The following CAPZA2 variants were observed in gnomAD, a reference collection of about 807,000 sequenced individuals.
The protein encoded by CAPZA2 is capping actin protein of muscle Z-line subunit alpha 2.
Under a neutral mutation model 44.0 loss-of-function variants are expected in CAPZA2, and 13 were observed. The observed-to-expected ratio is 0.30, with a 90% CI of 0.19 to 0.47. CAPZA2 has a LOEUF of 0.47. CAPZA2 is among the 20% of genes least tolerant of loss of function. The pLI, the probability that CAPZA2 is intolerant of heterozygous loss-of-function variation, is 1.00. For synonymous variants in CAPZA2, 94 were observed against 108.2 expected (o/e 0.87, Z 0.81); for missense variants, 244 against 338.6 (o/e 0.72, Z 2.19).
chr7:116,865,039 T>C (rs1796465340), intron 1 of CAPZA2, among the ~76,000 whole-genome samples: 1 of 152,156 alleles, frequency 6.6e-6, no homozygotes, highest in South Asian at 2.1e-4. Context: ...AAGAGGTAGT[T>C]CTATTACCAT....
chr7:116,895,492 G>A (rs530610103), intron 3 of CAPZA2, among the ~76,000 whole-genome samples: 15 of 152,138 alleles, frequency 9.9e-5, no homozygotes, highest in African/African-American at 3.6e-4. Context: ...CATGTGCATT[G>A]TAACAGGAAA....
rs1390813743 is a variant in CAPZA2 at position 116,898,765 on chromosome 7, T to C, written c.156-7T>C. 2 of 1,555,690 alleles carry C rather than the reference T, an allele frequency of 1.3e-6. No individual in the cohort carries two copies. Among genetic ancestry groups the C allele is most frequent in the African/African-American group, 2.8e-5 (2 of 72,464 alleles). ...ATTTTAAGTAATTGCCATTTTCTTT[T>C]TTTTAGTGCATTTGCACAGTATAAC... On this transcript the variant is annotated splice_polypyrimidine_tract_variant and splice_region_variant and intron_variant, in intron 3 of 9. Transcript: ENST00000361183.
intron 1 of CAPZA2, chr7:116,880,007 T>G (rs190970791): frequency 8.7e-5 from 37 of 424,226 alleles, no homozygotes; most frequent in African/African-American, 7.6e-4. Flanking sequence ...TTCTAAGCAC[T>G]CAGATATGGG....
At chr7:116,888,519 T>G (rs1562959503) in intron 2 of CAPZA2, 3 of 186,672 alleles carry the variant, frequency 1.6e-5, no homozygotes, top group Non-Finnish European at 2.2e-5. Context: ...ATAGTAGATA[T>G]TTCTTCAATA....
chr7:116,887,875 A>G (rs183022533), intron 1 of CAPZA2, among the ~76,000 whole-genome samples: 1 of 152,328 alleles, frequency 6.6e-6, no homozygotes, highest in Non-Finnish European at 1.5e-5. Flanking sequence ...GAAATTGTTT[A>G]TCTGTAAGCA....
At chr7:116,868,215 G>A (rs1282014202) in intron 1 of CAPZA2, among the ~76,000 whole-genome samples, 2 of 152,112 alleles carry the variant, frequency 1.3e-5, no homozygotes, top group East Asian at 1.9e-4. Flanking sequence ...ATACAATTTT[G>A]CGTAATAGTT....
At chr7:116,867,664 A>G (rs1031580075) in intron 1 of CAPZA2, among the ~76,000 whole-genome samples, 7 of 149,550 alleles carry the variant, frequency 4.7e-5, no homozygotes, top group Non-Finnish European at 7.4e-5. Context: ...GCTCACTGCA[A>G]CCTCTGTCTC....
At chr7:116,891,500 G>A (rs534085513) in intron 2 of CAPZA2, among the ~76,000 whole-genome samples, 6 of 152,174 alleles carry the variant, frequency 3.9e-5, no homozygotes, top group African/African-American at 1.4e-4. Context: ...GTTAGCAAAG[G>A]ATATTGTTTT....
At chr7:116,865,349 C>A (rs2115860548) in intron 1 of CAPZA2, among the ~76,000 whole-genome samples, 1 of 151,922 alleles carries the variant, frequency 6.6e-6, no homozygotes, top group South Asian at 2.1e-4. Flanking sequence ...CCATGCCCAG[C>A]TAATTTTTGT....
intron 7 of CAPZA2, among the ~76,000 whole-genome samples, chr7:116,910,539 C>T (rs1791577861): frequency 6.6e-6 from 1 of 152,106 alleles, no homozygotes; most frequent in Non-Finnish European, 1.5e-5. Context: ...TAAAACACAG[C>T]TAAAATTAGA....
chr7:116,918,020 A>C lies in CAPZA2; in HGVS notation c.*153A>C. 1.7e-6 allele frequency: 1 copy of C among 575,822 alleles called. No homozygotes were observed. Among genetic ancestry groups the C allele is most frequent in the Non-Finnish European group, 3.1e-6 (1 of 323,996 alleles). 35.7% of individuals were successfully genotyped at this position (575,822 alleles called of 1,614,324 possible). A position where few individuals can be genotyped will look rare whatever the true frequency, so the allele number is the denominator to read the frequency against. ...TTTGATTAGAGCACAAAGCTTAGCT[A>C]ATCAACCATTATTTTTCATTTTGTT... On this transcript the variant is annotated 3_prime_UTR_variant, in exon 10 of 10. Transcript: ENST00000361183.
chr7:116,867,264 A>G (rs1040624039), intron 1 of CAPZA2, among the ~76,000 whole-genome samples: 8 of 152,224 alleles, frequency 5.3e-5, no homozygotes, highest in Non-Finnish European at 1.2e-4. Flanking sequence ...AGTAAAGTCA[A>G]GAAAAATGTC....
chr7:116,881,553 C>T (rs1219541969), intron 1 of CAPZA2, among the ~76,000 whole-genome samples: 3 of 151,924 alleles, frequency 2.0e-5, no homozygotes, highest in Non-Finnish European at 4.4e-5. Flanking sequence ...TCCTGGCTAA[C>T]ACGGTGAAAC....
intron 4 of CAPZA2, among the ~76,000 whole-genome samples, chr7:116,902,506 A>G (rs556592125): frequency 1.3e-5 from 2 of 152,328 alleles, no homozygotes; most frequent in South Asian, 2.1e-4. Flanking sequence ...ATTTTCTACC[A>G]TCAGACTAAA....
intron 6 of CAPZA2, among the ~76,000 whole-genome samples, chr7:116,909,581 T>TAA (rs1239125428): frequency 7.0e-5 from 10 of 142,004 alleles, no homozygotes; most frequent in Non-Finnish European, 7.8e-5. Flanking sequence ...ATTGGAAAAC[T>TAA]AAAAAAAAAA....
Position 116,906,337 on chromosome 7 carries a change from T to A in CAPZA2, c.501T>A (p.Asn167Lys). The A allele has an allele frequency of 1.2e-6, 2 of 1,609,774 alleles. No individual in the cohort carries two copies. The highest frequency in any genetic ancestry group is 1.7e-6 in the Non-Finnish European group (2 of 1,178,958). Reference sequence around the variant, plus strand: ...AAAGCCATCAGTTCCAAGCAAAAAATTTTTGGTAAGTTAAAATTTTGGATA... The same window carrying A: ...AAAGCCATCAGTTCCAAGCAAAAAAATTTTGGTAAGTTAAAATTTTGGATA... ...CIESHQFQAK[N>K]FWNGRWRSEW... The change falls in exon 6 of 10, where the codon AAT becomes AAA. Residue 167 changes from asparagine (N) to lysine (K), a missense_variant. Physicochemically the swap from Asn to Lys is moderately conservative, Grantham distance 94. Transcript: ENST00000361183.
chr7:116,881,507 A>G (rs1384670875), intron 1 of CAPZA2, among the ~76,000 whole-genome samples: 1 of 152,110 alleles, frequency 6.6e-6, no homozygotes, highest in African/African-American at 2.4e-5. Context: ...CGGGAGGCCA[A>G]GGTGGGCGGA....
At chr7:116,909,946 C>T in intron 6 of CAPZA2, 5 of 374,736 alleles carry the variant, frequency 1.3e-5, no homozygotes, top group South Asian at 1.3e-4. Context: ...TGGCAAACAG[C>T]ACTGCACACA....
chr7:116,914,436 C>CAT (rs1293067317), intron 8 of CAPZA2, among the ~76,000 whole-genome samples: 1 of 99,034 alleles, frequency 1.0e-5, no homozygotes, highest in Non-Finnish European at 2.6e-5. Context: ...CATACATACA[C>CAT]ACACACACAC....
Sources: gnomAD v4.1 joint callset for allele counts (sites outside exome capture counted in the v4.1 genomes callset) on GRCh38, gnomAD v4.1.1 for gene constraint, MANE v1.5 for transcripts, NCBI Gene and HGNC (gene_info 2026-07-23, HGNC 2026-07-21) for gene names.